The following RGS17 variants were observed in gnomAD, a reference collection of about 807,000 sequenced individuals.
RGS17 encodes regulator of G-protein signaling 17.
RGS17 carries 12 observed loss-of-function variants against 25.5 expected under a neutral mutation model. The ratio of observed to expected loss-of-function variants is 0.47; its 90% CI spans 0.30 to 0.76. RGS17 has a LOEUF of 0.76. RGS17 is among the 30% of genes least tolerant of loss of function. RGS17 has a pLI of 0.07. For synonymous variants in RGS17, 71 were observed against 76.9 expected, an observed-to-expected ratio of 0.92 and a Z score of 0.40; for missense variants, 196 against 242.2, an observed-to-expected ratio of 0.81 and a Z score of 1.27.
intron 2 of RGS17, among the ~76,000 whole-genome samples, chr6:153,027,812 A>C (rs905922646): frequency 8.5e-5 from 13 of 152,306 alleles, no homozygotes; most frequent in African/African-American, 3.1e-4. Flanking sequence ...CACTGAGGTC[A>C]TAGACCACTT....
chr6:153,096,911 C>T lies in RGS17; in HGVS notation c.-26+34213G>A, dbSNP rs188090140. Reference sequence around the variant, plus strand: ...GGCCCAAAGTGGACTCTCCCTTCTTCATACCAGGGCCTCTTCCTCTAAATA... The same window carrying T: ...GGCCCAAAGTGGACTCTCCCTTCTTTATACCAGGGCCTCTTCCTCTAAATA... On this transcript the variant is annotated intron_variant, in intron 1 of 4. Coordinates refer to ENST00000206262, the MANE Select transcript of RGS17 (RefSeq NM_012419.5). Among the ~76,000 whole-genome samples, 326 of 152,278 alleles carry T rather than the reference C, an allele frequency of 2.1e-3. 2 individuals are homozygous for T. Among genetic ancestry groups the T allele is most frequent in the Non-Finnish European group, 3.9e-3 (264 of 68,016 alleles).
chr6:153,095,662 T>G lies in RGS17; in HGVS notation c.-26+35462A>C, dbSNP rs79811018. The stretch of plus-strand genomic sequence containing the variant: ...TCAAACTGGTTACCAGAATGCTATA[T>G]GTGCAATTTTATTGGCAGATTATGA... On this transcript the variant is annotated intron_variant, in intron 1 of 4. Transcript: ENST00000206262. Among the ~76,000 whole-genome samples the G allele has an allele frequency of 9.7e-3, 1,474 of 152,286 alleles. 26 individuals are homozygous for G. The highest frequency in any genetic ancestry group is 0.034 in the African/African-American group (1,408 of 41,580).
intron 1 of RGS17, among the ~76,000 whole-genome samples, chr6:153,061,465 A>G (rs1776637070): frequency 6.6e-6 from 1 of 152,246 alleles, no homozygotes; most frequent in Non-Finnish European, 1.5e-5. Flanking sequence ...CAATACACGT[A>G]AAGAAGATAA....
intron 1 of RGS17, among the ~76,000 whole-genome samples, chr6:153,086,042 C>A (rs946481975): frequency 3.3e-5 from 5 of 152,072 alleles, no homozygotes; most frequent in Admixed American, 6.6e-5. Flanking sequence ...ATAATTACGT[C>A]CCTACTAACT....
At chr6:153,095,555 A>G (rs1433694148) in intron 1 of RGS17, among the ~76,000 whole-genome samples, 1 of 152,174 alleles carries the variant, frequency 6.6e-6, no homozygotes, top group Non-Finnish European at 1.5e-5. Flanking sequence ...TATTAGATAC[A>G]TTATTTTATA....
intron 2 of RGS17, among the ~76,000 whole-genome samples, chr6:153,036,109 A>G (rs1776236236): frequency 6.6e-6 from 1 of 152,108 alleles, no homozygotes; most frequent in African/African-American, 2.4e-5. Context: ...GCTTGAGTGC[A>G]GTCATGTGAT....
rs146848337 is a variant in RGS17 at position 153,014,019 on chromosome 6, T to C, written c.445-2257A>G. On this transcript the variant is annotated intron_variant, in intron 4 of 4. Coordinates refer to ENST00000206262, the MANE Select transcript of RGS17 (RefSeq NM_012419.5). Reference sequence around the variant, plus strand: ...TACACTAAACAGCAGGTTTTCAGTATAGACAAAACAGCCTTATATTGGAAG... The same window carrying C: ...TACACTAAACAGCAGGTTTTCAGTACAGACAAAACAGCCTTATATTGGAAG... Among the ~76,000 whole-genome samples, 1,272 of 152,332 alleles carry C rather than the reference T, an allele frequency of 8.4e-3. 15 individuals carry two copies. Among genetic ancestry groups the C allele is most frequent in the African/African-American group, 0.029 (1,213 of 41,568 alleles).
chr6:153,103,644 GC>G (rs1174914415), intron 1 of RGS17, among the ~76,000 whole-genome samples: 2 of 152,210 alleles, frequency 1.3e-5, no homozygotes, highest in Non-Finnish European at 2.9e-5. Context: ...CCAAATGCCA[GC>G]CTATTCTTGA....
chr6:153,054,600 G>A (rs777498513), intron 1 of RGS17, among the ~76,000 whole-genome samples: 2 of 151,648 alleles, frequency 1.3e-5, no homozygotes, highest in East Asian at 1.9e-4. Context: ...GCAGTGAGCC[G>A]AGATCGCGCC....
chr6:153,082,323 A>G (rs912509631), intron 1 of RGS17, among the ~76,000 whole-genome samples: 2 of 152,182 alleles, frequency 1.3e-5, no homozygotes, highest in African/African-American at 4.8e-5. Context: ...TCCCTTCCAA[A>G]TTCTGGAAGT....
At chr6:153,030,579 T>C (rs1369838600) in intron 2 of RGS17, among the ~76,000 whole-genome samples, 1 of 152,200 alleles carries the variant, frequency 6.6e-6, no homozygotes. Context: ...CATTGTGATA[T>C]CAATCTTTTC....
At chr6:153,074,183 C>T (rs755009499) in intron 1 of RGS17, among the ~76,000 whole-genome samples, 2 of 152,094 alleles carry the variant, frequency 1.3e-5, no homozygotes, top group Admixed American at 6.6e-5. Flanking sequence ...AAGAGCTACC[C>T]CTACTTATGA....
intron 1 of RGS17, among the ~76,000 whole-genome samples, chr6:153,118,581 C>CT (rs1228183306): frequency 1.3e-5 from 2 of 152,152 alleles, no homozygotes; most frequent in African/African-American, 2.4e-5. Flanking sequence ...CAAAAATGAT[C>CT]TTACCCAGGT....
chr6:153,073,477 T>A (rs1240452852), intron 1 of RGS17, among the ~76,000 whole-genome samples: 2 of 152,058 alleles, frequency 1.3e-5, no homozygotes, highest in African/African-American at 4.8e-5. Context: ...AAACTTAGAG[T>A]GTTTAGAAAT....
intron 1 of RGS17, among the ~76,000 whole-genome samples, chr6:153,081,123 CAG>C (rs1299115111): frequency 5.9e-5 from 9 of 152,220 alleles, no homozygotes; most frequent in African/African-American, 2.2e-4. Context: ...GATTGGCTGA[CAG>C]TGCTATTCAC....
chr6:153,024,511 CG>C lies in RGS17; in HGVS notation c.210-16del. On this transcript the variant is annotated splice_polypyrimidine_tract_variant and intron_variant, in intron 3 of 4. Coordinates refer to ENST00000206262, the MANE Select transcript of RGS17 (RefSeq NM_012419.5). Reference sequence around the variant, plus strand: ...TGGGGTTTTGGCTGCAGAGACAGAACGGGGCCGTGATCAAAGGGAACTTTGT... The same window carrying C: ...TGGGGTTTTGGCTGCAGAGACAGAACGGGCCGTGATCAAAGGGAACTTTGT... The C allele has an allele frequency of 6.3e-7, 1 of 1,588,956 alleles. No homozygotes were observed. Among genetic ancestry groups the C allele is most frequent in the Non-Finnish European group, 8.6e-7 (1 of 1,157,714 alleles).
At chr6:153,082,644 A>G (rs1308730455) in intron 1 of RGS17, among the ~76,000 whole-genome samples, 1 of 152,122 alleles carries the variant, frequency 6.6e-6, no homozygotes, top group Non-Finnish European at 1.5e-5. Context: ...CTAGTTCCAT[A>G]TCTACATTCT....
At chr6:153,062,628 G>A (rs985186844) in intron 1 of RGS17, among the ~76,000 whole-genome samples, 5 of 152,136 alleles carry the variant, frequency 3.3e-5, no homozygotes, top group South Asian at 2.1e-4. Flanking sequence ...TCAGGGGCAC[G>A]TGACCTATCA....
intron 1 of RGS17, among the ~76,000 whole-genome samples, chr6:153,084,080 G>A (rs369998220): frequency 2.8e-4 from 42 of 152,298 alleles, no homozygotes; most frequent in African/African-American, 9.9e-4. Context: ...TTATTTAGCA[G>A]AAGGAGGAGA....
Sources: allele counts gnomAD v4.1 joint callset (sites outside exome capture counted in the v4.1 genomes callset), GRCh38; gene constraint gnomAD v4.1.1; transcripts MANE v1.5; gene names NCBI Gene and HGNC (gene_info 2026-07-23, HGNC 2026-07-21).